Variants in UFL1 observed in about 807,000 individuals in gnomAD.
UFL1 encodes the protein E3 UFM1-protein ligase 1.
A neutral mutation model predicts 99.3 loss-of-function variants in UFL1; 78 were observed. The observed-to-expected ratio is 0.79, with a 90% confidence interval of 0.65 to 0.95. The LOEUF is 0.95. UFL1 is among the 40% of genes least tolerant of loss of function. The pLI is 0.00. For missense variants in UFL1, 936 were observed against 937.0 expected, an observed-to-expected ratio of 1.00 and a Z score of 0.01; for synonymous variants, 335 against 322.2, an observed-to-expected ratio of 1.04 and a Z score of -0.42.
chr6:96,521,815 C>T lies in UFL1; in HGVS notation c.-59C>T. The T allele has an allele frequency of 5.8e-6, 9 of 1,554,778 alleles. No homozygotes were observed. Among genetic ancestry groups the T allele is most frequent in the Non-Finnish European group, 7.8e-6 (9 of 1,148,440 alleles). ...GCGGCCCGTTCCGCCTCTCTTCTCC[C>T]ACCGCCTGTCGGCTGACGTGTCTGC... On this transcript the variant is annotated 5_prime_UTR_variant, in exon 1 of 19. Transcript: ENST00000369278.
At chr6:96,544,938 T>A (rs572994511) in intron 12 of UFL1, among the ~76,000 whole-genome samples, 4 of 151,136 alleles carry the variant, frequency 2.6e-5, no homozygotes, top group South Asian at 2.1e-4. Flanking sequence ...TGAAAAAAAA[T>A]TTATGTTGTA....
At position 96,537,455 on chromosome 6, in the gene UFL1, T is replaced by C; in HGVS notation, c.884T>C (p.Phe295Ser). 1.2e-6 allele frequency: 2 copies of C among 1,610,492 alleles called. No homozygotes were observed. Among genetic ancestry groups the C allele is most frequent in the African/African-American group, 1.3e-5 (1 of 74,586 alleles). ...KKRYKTTQLL[F>S]LKAACVGQGL... ...AGATATAAGACTACACAACTCTTGT[T>C]TTTGAAAGCAGCTTGTGTTGGTCAA... Residue 295 changes from phenylalanine (F) to serine (S), a missense_variant, in exon 9 of 19, where the codon TTT becomes TCT. By Grantham distance (155) the Phe-to-Ser change is radical. Coordinates refer to ENST00000369278, the MANE Select transcript of UFL1 (RefSeq NM_015323.5).
intron 1 of UFL1, 167 bp from the exon 2 acceptor site, chr6:96,522,979 T>G: frequency 6.5e-6 from 3 of 459,384 alleles, no homozygotes; most frequent in African/African-American, 4.9e-5. Flanking sequence ...CTCTGAAAGG[T>G]TTTTTTTTAA....
At position 96,549,380 on chromosome 6, in the gene UFL1, T is replaced by C. The variant is rs1770043985; in HGVS notation, c.1521-32T>C. 1.9e-6 allele frequency: 3 copies of C among 1,541,074 alleles called. No homozygotes were observed. In the East Asian group the frequency reaches 7.0e-5, roughly 36 times the overall value. The stretch of plus-strand genomic sequence containing the variant: ...ATCTATATAAATACTCAGTACATTT[T>C]AATAAACTAAATATATTTGTCTTAT... On this transcript the variant is annotated intron_variant, in intron 13 of 18. Transcript: ENST00000369278.
In UFL1 at chr6:96,524,384, C is replaced by G; in HGVS notation, c.226C>G (p.Arg76Gly). The G allele has an allele frequency of 6.3e-7, 1 of 1,587,554 alleles. No homozygotes were observed. The highest frequency in any genetic ancestry group is 8.5e-7 in the Non-Finnish European group (1 of 1,169,984). ...AAATGAATGTCTTTTCTTCAAAGGT[C>G]GAGTAAACATTGTTGATCTACAACA... ...MRDELHVRGGRVNIVDLQQVI... is the reference protein window; with the variant it reads ...MRDELHVRGGGVNIVDLQQVI... The change falls in exon 3 of 19, where the codon CGA becomes GGA. Residue 76 changes from arginine (R) to glycine (G), a missense_variant and splice_region_variant. Transcript: ENST00000369278.
Position 96,549,400 on chromosome 6 carries a change from T to C in UFL1, c.1521-12T>C. 6.4e-7 allele frequency: 1 copy of C among 1,572,570 alleles called. No homozygotes were observed. The highest frequency in any genetic ancestry group is 8.6e-7 in the Non-Finnish European group (1 of 1,166,202). ...CATTTTAATAAACTAAATATATTTG[T>C]CTTATGCACAGACCTCTTAATAAAA... On this transcript the variant is annotated splice_polypyrimidine_tract_variant and intron_variant, in intron 13 of 18. Coordinates refer to ENST00000369278, the MANE Select transcript of UFL1 (RefSeq NM_015323.5).
Position 96,553,500 on chromosome 6 carries a change from G to T in UFL1, c.2382G>T (p.Glu794Asp). ...CTAGGAAATCATCTGTGACGGAAGA[G>T]TAATGATCTTAATTTACATTTGTCA... ...LKSRKSSVTEE is the reference protein window; with the variant it reads ...LKSRKSSVTED Residue 794 changes from glutamate to aspartate, a missense_variant, in exon 19 of 19, where the codon GAG (glutamate) becomes GAT (aspartate). Physicochemically the swap from Glu to Asp is conservative, Grantham distance 45. Coordinates refer to ENST00000369278, the MANE Select transcript of UFL1 (RefSeq NM_015323.5). 1 of 1,612,214 alleles carries T rather than the reference G, an allele frequency of 6.2e-7. No individual in the cohort carries two copies. The highest frequency in any genetic ancestry group is 8.5e-7 in the Non-Finnish European group (1 of 1,179,212).
intron 3 of UFL1, 69 bp from the exon 4 acceptor site, chr6:96,525,228 A>C (rs1291821641): frequency 2.5e-6 from 3 of 1,222,932 alleles, no homozygotes; most frequent in Non-Finnish European, 3.5e-6. Context: ...ATATAGTTCT[A>C]AGTATATAAT....
In UFL1 at chr6:96,525,359, G is replaced by A. The variant is rs774486047; in HGVS notation, c.315G>A (p.Lys105=). 2.5e-6 allele frequency: 4 copies of A among 1,610,464 alleles called. No individual in the cohort carries two copies. The highest frequency in any genetic ancestry group is 3.4e-6 in the Non-Finnish European group (4 of 1,178,618). ...TTGGTGACATTATTAAATCAGAAAA[G>A]CATGTTCAGTTAGTGTTGGGACAAC... The part of the protein sequence containing the change: ...NRIGDIIKSE[K]HVQLVLGQLI... The change falls in exon 4 of 19, where the codon AAG becomes AAA. Residue 105 remains lysine (K), a synonymous_variant. Transcript: ENST00000369278.
At chr6:96,545,527 G>A (rs1769986902) in intron 12 of UFL1, among the ~76,000 whole-genome samples, 1 of 150,510 alleles carries the variant, frequency 6.6e-6, no homozygotes, top group Admixed American at 6.6e-5. Flanking sequence ...TATTTGAATT[G>A]TGATTCACAT....
intron 11 of UFL1, 99 bp from the exon 12 acceptor site, chr6:96,542,795 T>C (rs1769949032): frequency 1.6e-6 from 2 of 1,221,978 alleles, no homozygotes; most frequent in African/African-American, 1.6e-5. Context: ...TTGCCTTTAT[T>C]TTTTCTGCTG....
chr6:96,547,006 C>T (rs1293756829), intron 12 of UFL1, among the ~76,000 whole-genome samples: 1 of 151,524 alleles, frequency 6.6e-6, no homozygotes, highest in Non-Finnish European at 1.5e-5. Flanking sequence ...CTTAATTAAA[C>T]TAAAAAGTTT....
At chr6:96,524,600 G>T (rs960443656) in intron 3 of UFL1, among the ~76,000 whole-genome samples, 190 bp downstream of exon 3, 1 of 151,934 alleles carries the variant, frequency 6.6e-6, no homozygotes, top group Non-Finnish European at 1.5e-5. Flanking sequence ...TAATAAATTC[G>T]GATTTATTGA....
Position 96,538,780 on chromosome 6 carries a change from C to T in UFL1, c.1128C>T (p.Phe376=), listed in dbSNP as rs766268632. The T allele has an allele frequency of 1.0e-5, 16 of 1,607,238 alleles. No individual in the cohort carries two copies. Among genetic ancestry groups the T allele is most frequent in the Non-Finnish European group, 1.4e-5 (16 of 1,176,056 alleles). ...TTATAAATGACTGTACAGAACTGTT[C>T]CGTGAGCTGATGCACCAGAAAGCTG... ...EKFINDCTEL[F]RELMHQKAEK... is the part of the protein sequence containing the mutation. The change falls in exon 10 of 19, where the codon TTC becomes TTT. Residue 376 remains phenylalanine (F), a synonymous_variant. Transcript: ENST00000369278.
chr6:96,524,273 C>T, intron 2 of UFL1, 109 bp from the exon 3 acceptor site: 2 of 938,194 alleles, frequency 2.1e-6, no homozygotes, highest in Non-Finnish European at 3.2e-6. Flanking sequence ...TATTCTGGCT[C>T]TCTGTTCTAT....
chr6:96,527,333 A>G (rs1415575434), intron 5 of UFL1, among the ~76,000 whole-genome samples: 1 of 152,122 alleles, frequency 6.6e-6, no homozygotes, highest in Non-Finnish European at 1.5e-5. Flanking sequence ...TATAGGCTTC[A>G]TTGAAATCTA....
chr6:96,540,909 C>T (rs140467886), intron 11 of UFL1, among the ~76,000 whole-genome samples: 1 of 151,482 alleles, frequency 6.6e-6, no homozygotes, highest in African/African-American at 2.4e-5. Context: ...TTTTCCCCAT[C>T]CTCTGTCTAT....
intron 6 of UFL1, among the ~76,000 whole-genome samples, chr6:96,531,168 C>T (rs898829062): frequency 2.0e-5 from 3 of 152,186 alleles, no homozygotes; most frequent in Admixed American, 6.5e-5. Context: ...AACCCGGGTC[C>T]GTGCAAAATT....
chr6:96,547,221 A>C (rs1427343800), intron 12 of UFL1, among the ~76,000 whole-genome samples: 1 of 151,786 alleles, frequency 6.6e-6, no homozygotes, highest in East Asian at 1.9e-4. Context: ...ACACATGAAT[A>C]AATGTTCAAC....
Sources: allele counts gnomAD v4.1 joint callset (sites outside exome capture counted in the v4.1 genomes callset), GRCh38; gene constraint gnomAD v4.1.1; transcripts MANE v1.5; gene names NCBI Gene and HGNC (gene_info 2026-07-23, HGNC 2026-07-21).